Variants in RNF38 observed in about 807,000 individuals in gnomAD.
RNF38 encodes E3 ubiquitin-protein ligase RNF38.
A neutral mutation model predicts 67.2 loss-of-function variants in RNF38; 15 were observed. That is an observed-to-expected ratio of 0.22 (90% CI 0.15 to 0.34). The LOEUF is 0.34. Among genes scored for constraint, RNF38 ranks in the 10% least tolerant of loss-of-function variants. The probability of loss-of-function intolerance (pLI) is 1.00; values close to 1 mark genes in which losing one functional copy is unlikely to be tolerated. For synonymous variants in RNF38, 220 were observed against 218.8 expected, an observed-to-expected ratio of 1.01 and a Z score of -0.05; for missense variants, 524 against 639.9, an observed-to-expected ratio of 0.82 and a Z score of 1.95.
intron 1 of RNF38, among the ~76,000 whole-genome samples, chr9:36,393,524 G>GTGTGT (rs1554689613): frequency 0.028 from 2,319 of 84,106 alleles, 28 homozygotes; most frequent in East Asian, 0.063. Flanking sequence ...TGTGTGTGTG[G>GTGTGT]GGCAGGCAGT....
chr9:36,400,679 AC>A, upstream of RNF38: 1 of 984,006 alleles, frequency 1.0e-6, no homozygotes, highest in Non-Finnish European at 1.2e-6. Flanking sequence ...GGGCCTCCTC[AC>A]CCCCGGAACC....
chr9:36,355,565 G>A (rs902482534), intron 6 of RNF38, among the ~76,000 whole-genome samples: 1 of 151,894 alleles, frequency 6.6e-6, no homozygotes, highest in Non-Finnish European at 1.5e-5. Flanking sequence ...TTGCCTAAAT[G>A]AATACAAATA....
At chr9:36,401,939 T>C (rs541822620), upstream of RNF38, among the ~76,000 whole-genome samples, 2 of 152,136 alleles carry the variant, frequency 1.3e-5, no homozygotes, top group Non-Finnish European at 2.9e-5. Flanking sequence ...CTGCAACCAG[T>C]AGAAAATGGG....
At chr9:36,417,717 G>T (rs1482550937) in intron 2 of RNF38, among the ~76,000 whole-genome samples, 1 of 152,004 alleles carries the variant, frequency 6.6e-6, no homozygotes, top group Admixed American at 6.6e-5. Context: ...CACCATGTTG[G>T]CCAGGCTGGT....
chr9:36,399,463 G>A (rs986866127), intron 1 of RNF38, among the ~76,000 whole-genome samples: 7 of 139,566 alleles, frequency 5.0e-5, no homozygotes, highest in Non-Finnish European at 7.6e-5. Context: ...GTTTGCAAAA[G>A]GTGAAATATA....
intron 10 of RNF38, among the ~76,000 whole-genome samples, chr9:36,343,627 T>C (rs746156405): frequency 6.6e-6 from 1 of 152,148 alleles, no homozygotes; most frequent in Non-Finnish European, 1.5e-5. Flanking sequence ...AAGCCATTAT[T>C]TAGCTTTGGC....
intron 2 of RNF38, among the ~76,000 whole-genome samples, chr9:36,420,113 G>A (rs1838580025): frequency 6.6e-6 from 1 of 152,210 alleles, no homozygotes; most frequent in Non-Finnish European, 1.5e-5. Context: ...GGCAGCTTGG[G>A]ATGGAATCCC....
Position 36,481,721 on chromosome 9 carries a change from G to C in RNF38, n.241+5587C>G, listed in dbSNP as rs569809885. Among the ~76,000 whole-genome samples, 3 of 152,146 alleles carry C rather than the reference G, an allele frequency of 2.0e-5. No individual in the cohort carries two copies. In the East Asian group the frequency reaches 5.8e-4, roughly 29 times the overall value. On this transcript the variant is annotated intron_variant and non_coding_transcript_variant, in intron 1 of 3. Coordinates refer to the RNF38 transcript ENST00000488058. ...AGCCCCCAGAACAGCATTCATCCAC[G>C]ACAACTGTCCTGAAAAACTCTGCCA...
chr9:36,369,517 G>A (rs1048236023), intron 4 of RNF38, among the ~76,000 whole-genome samples: 3 of 151,992 alleles, frequency 2.0e-5, no homozygotes, highest in South Asian at 2.1e-4. Flanking sequence ...GTGCTGGGCC[G>A]ATACTAATTT....
intron 2 of RNF38, among the ~76,000 whole-genome samples, chr9:36,414,038 AGGATAGCGACTCC>A (rs763159952): frequency 3.9e-5 from 6 of 152,280 alleles, no homozygotes; most frequent in Admixed American, 6.5e-5. Flanking sequence ...GTCTGATATA[AGGATAGCGACTCC>A]GGATAGCGAC....
At chr9:36,425,427 CT>C (rs1161531619) in intron 1 of RNF38, among the ~76,000 whole-genome samples, 6 of 152,192 alleles carry the variant, frequency 3.9e-5, no homozygotes, top group Non-Finnish European at 8.8e-5. Flanking sequence ...GGTGCAGTGG[CT>C]TAGGCCTGTA....
intron 1 of RNF38, among the ~76,000 whole-genome samples, chr9:36,427,065 G>A (rs1838791152): frequency 6.6e-6 from 1 of 152,082 alleles, no homozygotes. Context: ...TGCTAGAGCT[G>A]TTTCATTGCC....
Position 36,409,293 on chromosome 9 carries a change from A to G in RNF38, n.312+15320T>C, listed in dbSNP as rs186741655. Among the ~76,000 whole-genome samples the G allele has an allele frequency of 4.1e-3, 619 of 151,624 alleles. 2 individuals carry two copies. The highest frequency in any genetic ancestry group is 4.4e-3 in the Non-Finnish European group (298 of 67,856). ...AAGAAGGAAAGAAAGAAAGAAAAGA[A>G]AGAGAGAGAAAGAAAAAGAAAGAAA... is the stretch of plus-strand genomic sequence containing the variant. On this transcript the variant is annotated intron_variant and non_coding_transcript_variant, in intron 2 of 3. Coordinates refer to the RNF38 transcript ENST00000488058.
rs537079840 is a variant in RNF38 at position 36,462,097 on chromosome 9, T to C, written n.241+25211A>G. ...ACAGGCTGGGATCCAAGAAAGAGGA[T>C]AAATTACGTGGATAACTCTGGTAAG... On this transcript the variant is annotated intron_variant and non_coding_transcript_variant, in intron 1 of 3. Transcript: ENST00000488058. Among the ~76,000 whole-genome samples the C allele has an allele frequency of 2.6e-4, 39 of 152,232 alleles. No homozygotes were observed. The South Asian group carries it at 7.5e-3, about 29-fold the overall frequency.
chr9:36,390,030 C>G (rs1836952884), intron 2 of RNF38, among the ~76,000 whole-genome samples: 1 of 152,182 alleles, frequency 6.6e-6, no homozygotes, highest in Admixed American at 6.5e-5. Context: ...CGTTTACCCA[C>G]AGGTAAAAGA....
chr9:36,392,264 G>A (rs1211041703), intron 1 of RNF38, among the ~76,000 whole-genome samples: 1 of 152,146 alleles, frequency 6.6e-6, no homozygotes, highest in Non-Finnish European at 1.5e-5. Context: ...TCACCTAGAA[G>A]TAAAAAACAA....
intron 6 of RNF38, among the ~76,000 whole-genome samples, chr9:36,356,083 G>A (rs1834083275): frequency 1.3e-5 from 2 of 152,120 alleles, no homozygotes; most frequent in Admixed American, 1.3e-4. Flanking sequence ...CAGACCCTAG[G>A]TGATCTGCCT....
chr9:36,407,893 AT>A (rs1481189716), intron 2 of RNF38, among the ~76,000 whole-genome samples: 1 of 151,964 alleles, frequency 6.6e-6, no homozygotes, highest in Admixed American at 6.6e-5. Context: ...CCATCTCTGT[AT>A]TTTTTTTAAA....
At chr9:36,370,927 G>A (rs886780464) in intron 3 of RNF38, among the ~76,000 whole-genome samples, 2 of 151,850 alleles carry the variant, frequency 1.3e-5, no homozygotes, top group Non-Finnish European at 2.9e-5. Flanking sequence ...AAGAGAGGGA[G>A]AGAATTTGCT....
Sources: allele counts gnomAD v4.1 joint callset (sites outside exome capture counted in the v4.1 genomes callset), GRCh38; gene constraint gnomAD v4.1.1; transcripts MANE v1.5; gene names NCBI Gene and HGNC (gene_info 2026-07-23, HGNC 2026-07-21).